IL1RAPL2: variants seen among roughly 807,000 people sequenced by gnomAD.
IL1RAPL2 encodes X-linked interleukin-1 receptor accessory protein-like 2.
IL1RAPL2 carries 3 observed loss-of-function variants against 44.1 expected under a neutral mutation model. The ratio of observed to expected loss-of-function variants is 0.07; its 90% confidence interval spans 0.03 to 0.18. IL1RAPL2 has a LOEUF of 0.18. Among genes scored for constraint, IL1RAPL2 ranks in the 10% least tolerant of loss-of-function variants. The probability of loss-of-function intolerance (pLI) is 1.00; values close to 1 mark genes in which losing one functional copy is unlikely to be tolerated. For missense variants in IL1RAPL2, 391 were observed against 496.4 expected, an observed-to-expected ratio of 0.79 and a Z score of 2.02; for synonymous variants, 181 against 178.8, an observed-to-expected ratio of 1.01 and a Z score of -0.10.
At chrX:105,091,116 T>TA (rs1292954275) in intron 2 of IL1RAPL2, among the ~76,000 whole-genome samples, 1 of 112,115 alleles carries the variant, frequency 8.9e-6, no homozygotes, top group African/African-American at 3.2e-5. Flanking sequence ...GTATTCTAAG[T>TA]AAAAGGATAA....
At chrX:105,721,265 A>T (rs1231893864) in intron 7 of IL1RAPL2, among the ~76,000 whole-genome samples, 1 of 110,155 alleles carries the variant, frequency 9.1e-6, no homozygotes, top group Non-Finnish European at 1.9e-5. Flanking sequence ...AAAATACAAA[A>T]ATTAGCTGGG....
intron 5 of IL1RAPL2, among the ~76,000 whole-genome samples, chrX:105,329,278 G>T: frequency 9.0e-6 from 1 of 111,516 alleles, no homozygotes; most frequent in Non-Finnish European, 1.9e-5. Flanking sequence ...AGTAGAACAT[G>T]AGAATTGGGA....
chrX:104,590,743 A>C (rs1928649534), intron 1 of IL1RAPL2, among the ~76,000 whole-genome samples: 1 of 111,775 alleles, frequency 8.9e-6, no homozygotes, highest in Non-Finnish European at 1.9e-5. Context: ...ATCACAGATC[A>C]TTTTTGGCCT....
At chrX:105,293,790 A>T (rs878954439) in intron 5 of IL1RAPL2, among the ~76,000 whole-genome samples, 1 of 111,570 alleles carries the variant, frequency 9.0e-6, no homozygotes, top group Admixed American at 9.6e-5. Flanking sequence ...GAATGGAATG[A>T]CCTTGAGCTA....
intron 5 of IL1RAPL2, among the ~76,000 whole-genome samples, chrX:105,454,599 A>C (rs1195298827): frequency 1.8e-5 from 2 of 111,561 alleles, no homozygotes; most frequent in Non-Finnish European, 3.8e-5. Flanking sequence ...GGGCATGAGA[A>C]CCACCTACTC....
intron 3 of IL1RAPL2, among the ~76,000 whole-genome samples, chrX:105,233,274 G>A (rs1556197828): frequency 9.0e-6 from 1 of 111,439 alleles, no homozygotes; most frequent in Non-Finnish European, 1.9e-5. Flanking sequence ...ACAGAGCGAG[G>A]CGCCGTCTCA....
intron 7 of IL1RAPL2, among the ~76,000 whole-genome samples, chrX:105,729,220 G>A (rs1046986093): frequency 9.0e-6 from 1 of 111,613 alleles, no homozygotes; most frequent in East Asian, 2.8e-4. Flanking sequence ...GCTATAAAAA[G>A]TATGATTAAT....
chrX:104,606,083 C>G (rs1232424952), intron 1 of IL1RAPL2, among the ~76,000 whole-genome samples: 1 of 112,054 alleles, frequency 8.9e-6, no homozygotes, highest in Non-Finnish European at 1.9e-5. Context: ...AAAATACTGG[C>G]AAACCAAATC....
At chrX:105,550,481 G>A (rs778021906) in intron 6 of IL1RAPL2, among the ~76,000 whole-genome samples, 15 of 111,671 alleles carry the variant, frequency 1.3e-4, no homozygotes, top group Admixed American at 1.2e-3. Flanking sequence ...TCCCATCCAG[G>A]TCATTTCACT....
chrX:105,242,006 C>G (rs1247595964), intron 4 of IL1RAPL2, among the ~76,000 whole-genome samples: 1 of 111,513 alleles, frequency 9.0e-6, no homozygotes, highest in Admixed American at 9.6e-5. Flanking sequence ...AGTGAAAAAC[C>G]CGGTAAGGAA....
At chrX:104,751,927 T>C (rs1175682714) in intron 2 of IL1RAPL2, among the ~76,000 whole-genome samples, 1 of 111,003 alleles carries the variant, frequency 9.0e-6, no homozygotes, top group Non-Finnish European at 1.9e-5. Context: ...CTAGTAAAAC[T>C]CAATAAATTT....
At chrX:105,414,650 C>G (rs997557854) in intron 5 of IL1RAPL2, among the ~76,000 whole-genome samples, 1 of 111,515 alleles carries the variant, frequency 9.0e-6, no homozygotes, top group Admixed American at 9.5e-5. Context: ...CTTCATTTCA[C>G]TATTCATTTG....
chrX:105,473,146 G>A (rs2036176175), intron 5 of IL1RAPL2, among the ~76,000 whole-genome samples: 1 of 111,736 alleles, frequency 8.9e-6, no homozygotes, highest in East Asian at 2.8e-4. Flanking sequence ...TTTACATTTT[G>A]GTTCTGGCTC....
chrX:105,752,957 C>T (rs949391590), intron 9 of IL1RAPL2: 15 of 328,728 alleles, frequency 4.6e-5, no homozygotes, highest in African/African-American at 1.6e-4. Context: ...ATTTTTTCAA[C>T]GAATGGTGTG....
At chrX:105,266,136 G>T (rs1398164201) in intron 4 of IL1RAPL2, among the ~76,000 whole-genome samples, 1 of 109,790 alleles carries the variant, frequency 9.1e-6, no homozygotes, top group Non-Finnish European at 1.9e-5. Context: ...CTGCCTCCTG[G>T]ATTCAAGAGA....
intron 2 of IL1RAPL2, among the ~76,000 whole-genome samples, chrX:105,140,905 C>T (rs1258491312): frequency 9.0e-6 from 1 of 110,942 alleles, no homozygotes; most frequent in Non-Finnish European, 1.9e-5. Flanking sequence ...GGGGCCCAAA[C>T]AGCAACTAGA....
chrX:104,704,518 G>T (rs1931332673), intron 2 of IL1RAPL2, among the ~76,000 whole-genome samples: 1 of 111,297 alleles, frequency 9.0e-6, no homozygotes, highest in Admixed American at 9.6e-5. Context: ...CCTCTTTGTT[G>T]AATTATCTGC....
chrX:105,334,417 A>C (rs2035012512), intron 5 of IL1RAPL2, among the ~76,000 whole-genome samples: 1 of 106,406 alleles, frequency 9.4e-6, no homozygotes, highest in African/African-American at 3.3e-5. Context: ...AAAATAATAT[A>C]GTTATAAGGA....
chrX:104,787,256 T>C (rs185105300), intron 2 of IL1RAPL2, among the ~76,000 whole-genome samples: 30 of 110,948 alleles, frequency 2.7e-4, no homozygotes, highest in African/African-American at 8.2e-4. Context: ...TGAAGGAAAA[T>C]AGATTGAGAA....
Sources: gnomAD v4.1 joint callset for allele counts (sites outside exome capture counted in the v4.1 genomes callset) on GRCh38, gnomAD v4.1.1 for gene constraint, MANE v1.5 for transcripts, NCBI Gene and HGNC (gene_info 2026-07-23, HGNC 2026-07-21) for gene names.